PRKG1: variants seen among roughly 807,000 people sequenced by gnomAD.
The protein encoded by PRKG1 is cGMP-dependent protein kinase 1.
A neutral mutation model predicts 88.1 loss-of-function variants in PRKG1; 35 were observed. That is an observed-to-expected ratio of 0.40 (90% confidence interval 0.30 to 0.53). The LOEUF is 0.53. Among genes scored for constraint, PRKG1 ranks in the 20% least tolerant of loss-of-function variants. The pLI is 0.59. For synonymous variants in PRKG1, 303 were observed against 292.5 expected (o/e 1.04, Z -0.37); for missense variants, 540 against 839.8 (o/e 0.64, Z 4.41).
chr10:51,837,121 A>G (rs1415833354), intron 4 of PRKG1, among the ~76,000 whole-genome samples: 2 of 152,170 alleles, frequency 1.3e-5, no homozygotes, highest in Non-Finnish European at 2.9e-5. Context: ...ACTGCATTGA[A>G]AAGGAAGAAG....
chr10:52,085,702 C>A (rs1322884380), intron 7 of PRKG1, among the ~76,000 whole-genome samples: 1 of 152,160 alleles, frequency 6.6e-6, no homozygotes, highest in Non-Finnish European at 1.5e-5. Flanking sequence ...GTGCTCACGG[C>A]TACTTGGGTA....
chr10:52,109,868 C>T (rs1024980868), intron 7 of PRKG1, among the ~76,000 whole-genome samples: 1 of 151,944 alleles, frequency 6.6e-6, no homozygotes, highest in African/African-American at 2.4e-5. Flanking sequence ...TGTCAAAGAG[C>T]TTTACTTGAC....
upstream of PRKG1, among the ~76,000 whole-genome samples, chr10:51,070,200 G>T (rs1843807690): frequency 6.6e-6 from 1 of 152,040 alleles, no homozygotes; most frequent in Non-Finnish European, 1.5e-5. Flanking sequence ...CATTGATTAG[G>T]TGAATGATTC....
intron 2 of PRKG1, among the ~76,000 whole-genome samples, chr10:51,216,960 T>C (rs1329162579): frequency 3.3e-5 from 5 of 152,172 alleles, no homozygotes; most frequent in Non-Finnish European, 7.4e-5. Context: ...ATTTTCCATC[T>C]TATAAGACAA....
At chr10:51,116,813 C>T (rs753823024) in intron 1 of PRKG1, among the ~76,000 whole-genome samples, 4 of 152,026 alleles carry the variant, frequency 2.6e-5, no homozygotes, top group African/African-American at 4.8e-5. Flanking sequence ...TATTGAACAG[C>T]GGGGGAATTC....
chr10:51,260,842 T>C (rs1355947980), intron 2 of PRKG1, among the ~76,000 whole-genome samples: 1 of 152,192 alleles, frequency 6.6e-6, no homozygotes, highest in Non-Finnish European at 1.5e-5. Context: ...AGAAACTAAT[T>C]TGATTTCTAA....
intron 3 of PRKG1, among the ~76,000 whole-genome samples, chr10:51,503,266 CT>C (rs2132045910): frequency 6.6e-6 from 1 of 152,066 alleles, no homozygotes; most frequent in South Asian, 2.1e-4. Context: ...CAGTTCTTTC[CT>C]TTTATATGTA....
At chr10:51,042,842 A>G (rs1843442785) in intron 1 of PRKG1, among the ~76,000 whole-genome samples, 1 of 152,154 alleles carries the variant, frequency 6.6e-6, no homozygotes, top group African/African-American at 2.4e-5. Context: ...GCCCTCAGGA[A>G]TGGGGTTAAT....
chr10:51,157,042 T>C lies in PRKG1; in HGVS notation c.478+3712T>C, dbSNP rs145128500. Among the ~76,000 whole-genome samples, 205 of 152,104 alleles carry C rather than the reference T, an allele frequency of 1.3e-3. 1 individual carries two copies. The highest frequency in any genetic ancestry group is 2.4e-3 in the Non-Finnish European group (166 of 67,864). ...TGGTCTTCATAAAATGCTTAACATG[T>C]GCCTTACATATTTTTTTTTGTTTGC... On this transcript the variant is annotated intron_variant, in intron 2 of 17. Transcript: ENST00000373980.
intron 3 of PRKG1, among the ~76,000 whole-genome samples, chr10:51,480,678 A>T (rs1472804951): frequency 6.6e-6 from 1 of 152,182 alleles, no homozygotes; most frequent in East Asian, 1.9e-4. Context: ...AAAACCTTAT[A>T]AAACACATTT....
chr10:52,223,809 T>A (rs1289126812), intron 9 of PRKG1, among the ~76,000 whole-genome samples: 2 of 152,164 alleles, frequency 1.3e-5, no homozygotes, highest in African/African-American at 4.8e-5. Flanking sequence ...TTCATGAGGC[T>A]CAAAATTTCA....
chr10:51,830,672 C>T (rs1013346731), intron 4 of PRKG1, among the ~76,000 whole-genome samples: 1 of 150,452 alleles, frequency 6.6e-6, no homozygotes, highest in East Asian at 2.0e-4. Flanking sequence ...AGTAATTCTC[C>T]TACCTCAGCC....
At chr10:51,131,820 G>A (rs1037893656) in intron 1 of PRKG1, among the ~76,000 whole-genome samples, 7 of 151,900 alleles carry the variant, frequency 4.6e-5, no homozygotes, top group South Asian at 4.1e-4. Context: ...ACTTTCTCAC[G>A]TTATGCAGGC....
At chr10:51,693,396 C>CTTAT in intron 3 of PRKG1, among the ~76,000 whole-genome samples, 1 of 146,460 alleles carries the variant, frequency 6.8e-6, no homozygotes, top group African/African-American at 2.5e-5. Context: ...CCAAGTGTCA[C>CTTAT]TTATTTTTAA....
At chr10:51,354,185 A>G (rs1842314149) in intron 2 of PRKG1, among the ~76,000 whole-genome samples, 2 of 105,876 alleles carry the variant, frequency 1.9e-5, no homozygotes, top group East Asian at 6.2e-4. Flanking sequence ...AGAGGTGGGG[A>G]CGGTTAATGG....
intron 5 of PRKG1, among the ~76,000 whole-genome samples, chr10:52,052,778 G>A (rs968205849): frequency 2.6e-5 from 4 of 152,006 alleles, no homozygotes; most frequent in Non-Finnish European, 2.9e-5. Flanking sequence ...CTCCCACCAG[G>A]TCCCTCCTAC....
chr10:51,919,138 T>C (rs1156558249), intron 5 of PRKG1, among the ~76,000 whole-genome samples: 1 of 152,158 alleles, frequency 6.6e-6, no homozygotes, highest in Non-Finnish European at 1.5e-5. Flanking sequence ...TCTGAATCCA[T>C]AGCAAGGGCA....
At position 51,548,831 on chromosome 10, in the gene PRKG1, T is replaced by C. The variant is rs937891311; in HGVS notation, c.592+80995T>C. Among the ~76,000 whole-genome samples, 9 of 152,132 alleles carry C rather than the reference T, an allele frequency of 5.9e-5. No homozygotes were observed. In the East Asian group the frequency reaches 1.7e-3, roughly 29 times the overall value. On this transcript the variant is annotated intron_variant, in intron 3 of 17. Transcript: ENST00000373980. ...CTCAGTCCTTTGATTCACATAAAAC[T>C]ACAAGAGTTTGTTGGCTTAGTTAGA...
At chr10:51,175,601 A>T (rs149255454) in intron 2 of PRKG1, among the ~76,000 whole-genome samples, 4 of 152,126 alleles carry the variant, frequency 2.6e-5, no homozygotes, top group Non-Finnish European at 5.9e-5. Flanking sequence ...AGTCAACACC[A>T]TTTCCTCCAT....
Sources: allele counts gnomAD v4.1 joint callset (sites outside exome capture counted in the v4.1 genomes callset), GRCh38; gene constraint gnomAD v4.1.1; transcripts MANE v1.5; gene names NCBI Gene and HGNC (gene_info 2026-07-23, HGNC 2026-07-21).